Variants in TENM2 observed in about 807,000 individuals in gnomAD.
TENM2 encodes the protein teneurin-2.
A neutral mutation model predicts 245.2 loss-of-function variants in TENM2; 52 were observed. The ratio of observed to expected loss-of-function variants is 0.21; its 90% CI spans 0.17 to 0.27. The LOEUF (loss-of-function observed/expected upper bound fraction) is 0.27, where lower values mean the gene tolerates loss of function less well. TENM2 is among the 10% of genes least tolerant of loss of function. The pLI, the probability that TENM2 is intolerant of heterozygous loss-of-function variation, is 1.00. For missense variants in TENM2, 3,046 were observed against 3,666.8 expected (o/e 0.83, Z 4.37); for synonymous variants, 1,363 against 1,438.9 (o/e 0.95, Z 1.19).
rs184230272 is a variant in TENM2 at position 167,979,960 on chromosome 5, C to T, written c.948-12984C>T. Among the ~76,000 whole-genome samples, 6 of 152,298 alleles carry T rather than the reference C, an allele frequency of 3.9e-5. No individual in the cohort carries two copies. In the East Asian group the frequency reaches 9.6e-4, roughly 24 times the overall value. On this transcript the variant is annotated intron_variant, in intron 4 of 28. Transcript: ENST00000518659. Reference sequence around the variant, plus strand: ...TCTGAGAGCAGAGAGAAACTTTTTACATTCATCACCTCCTACAGGCAGTAT... The same window carrying T: ...TCTGAGAGCAGAGAGAAACTTTTTATATTCATCACCTCCTACAGGCAGTAT...
At chr5:168,198,349 C>T (rs1390835671) in intron 15 of TENM2, among the ~76,000 whole-genome samples, 1 of 152,036 alleles carries the variant, frequency 6.6e-6, no homozygotes, top group African/African-American at 2.4e-5. Flanking sequence ...GCACCCACCA[C>T]CATGCCTGGC....
At chr5:168,243,939 T>G (rs1581746100) in intron 25 of TENM2, among the ~76,000 whole-genome samples, 2 of 144,484 alleles carry the variant, frequency 1.4e-5, no homozygotes, top group South Asian at 2.3e-4. Flanking sequence ...TTTCTTTGGT[T>G]TTTTTTTTTT....
chr5:167,918,073 C>T (rs1457640775), intron 3 of TENM2, among the ~76,000 whole-genome samples: 1 of 152,152 alleles, frequency 6.6e-6, no homozygotes, highest in Non-Finnish European at 1.5e-5. Context: ...AAAGTTAGTG[C>T]TCCGTGAAGG....
chr5:167,799,015 C>T (rs1224732319), intron 2 of TENM2, among the ~76,000 whole-genome samples: 4 of 152,162 alleles, frequency 2.6e-5, no homozygotes, highest in South Asian at 4.1e-4. Context: ...GAATAGTCAG[C>T]GCCCAGGTGG....
At chr5:167,468,266 G>A (rs1766799548) in intron 2 of TENM2, among the ~76,000 whole-genome samples, 1 of 152,172 alleles carries the variant, frequency 6.6e-6, no homozygotes, top group Admixed American at 6.5e-5. Context: ...TTTTCTGGAA[G>A]GATGGCCCAT....
chr5:167,780,899 A>AT, intron 2 of TENM2, among the ~76,000 whole-genome samples: 1 of 152,316 alleles, frequency 6.6e-6, no homozygotes, highest in East Asian at 1.9e-4. Flanking sequence ...TGGCAATAGT[A>AT]TTTTTGTAAG....
intron 5 of TENM2, among the ~76,000 whole-genome samples, chr5:168,034,028 AAT>A (rs61701570): frequency 0.046 from 5,982 of 130,140 alleles, 406 homozygotes; most frequent in African/African-American, 0.17. Flanking sequence ...CTCCGTCTCA[AAT>A]ATATATATAT....
chr5:167,056,161 A>G, the TENM2 span, among the ~76,000 whole-genome samples: 1 of 152,084 alleles, frequency 6.6e-6, no homozygotes, highest in African/African-American at 2.4e-5. Flanking sequence ...ATTTATTGAT[A>G]TGACTAAGTG....
chr5:167,158,846 CCCTTCCTTCCTTCCTTCCTTCCTTCCTT>C, the TENM2 span, among the ~76,000 whole-genome samples: 3 of 86,026 alleles, frequency 3.5e-5, no homozygotes, highest in African/African-American at 9.8e-5. Context: ...TCCATAGCAG[CCCTTCCTTCCTTCCTTCCTTCCTTCCTT>C]CCTTCCTTCC....
chr5:168,114,789 C>T (rs1005628437), intron 9 of TENM2, among the ~76,000 whole-genome samples: 2 of 152,178 alleles, frequency 1.3e-5, no homozygotes, highest in Non-Finnish European at 2.9e-5. Context: ...AGTGAGCACG[C>T]GGCAAACCCT....
At chr5:167,484,748 C>CATGGGAA (rs1428130238) in intron 2 of TENM2, among the ~76,000 whole-genome samples, 2 of 152,166 alleles carry the variant, frequency 1.3e-5, no homozygotes, top group Non-Finnish European at 2.9e-5. Context: ...AGATCTAATA[C>CATGGGAA]ATGGGAAATT....
In TENM2 at chr5:167,995,450, C is replaced by CA. The variant is rs1296610317; in HGVS notation, c.1186+2274dup. 3.3e-5 allele frequency among the ~76,000 whole-genome samples: 5 copies of CA among 152,188 alleles called. No individual in the cohort carries two copies. In the East Asian group the frequency reaches 9.6e-4, roughly 29 times the overall value. ...AGATTATGCTTTGACCCTAGAGTAT[C>CA]AAAAAATAGTTTATGACACAAAATG... On this transcript the variant is annotated intron_variant, in intron 5 of 28. Coordinates refer to ENST00000518659, the Ensembl canonical transcript of TENM2.
chr5:167,441,337 C>T (rs1582055663), intron 2 of TENM2, among the ~76,000 whole-genome samples: 1 of 152,164 alleles, frequency 6.6e-6, no homozygotes, highest in East Asian at 1.9e-4. Context: ...CTGGCTGTTA[C>T]CCATCTCTAC....
intron 2 of TENM2, among the ~76,000 whole-genome samples, chr5:167,776,641 CTATATATATA>C (rs10522774): frequency 2.6e-5 from 3 of 116,190 alleles, no homozygotes; most frequent in African/African-American, 6.5e-5. Flanking sequence ...ATATATGTAT[CTATATATATA>C]TATATATATA....
chr5:167,601,522 A>G (rs1195787405), intron 2 of TENM2, among the ~76,000 whole-genome samples: 3 of 152,196 alleles, frequency 2.0e-5, no homozygotes, highest in Non-Finnish European at 4.4e-5. Flanking sequence ...TTAATTTAAC[A>G]TTTACTCCGT....
the TENM2 span, among the ~76,000 whole-genome samples, chr5:167,079,246 C>G: frequency 7.0e-6 from 1 of 142,360 alleles, no homozygotes; most frequent in Non-Finnish European, 1.5e-5. Flanking sequence ...TCTCTCTCTA[C>G]GTATATACAT....
chr5:167,458,397 G>C (rs577177687), intron 2 of TENM2, among the ~76,000 whole-genome samples: 1 of 136,148 alleles, frequency 7.3e-6, no homozygotes. Context: ...TGAGGCAAGA[G>C]AATCCCTTGA....
chr5:167,692,038 T>G (rs544011631), intron 2 of TENM2, among the ~76,000 whole-genome samples: 54 of 152,148 alleles, frequency 3.5e-4, no homozygotes, highest in Non-Finnish European at 6.0e-4. Flanking sequence ...TCTGCCTTCC[T>G]GAATAATTGC....
At chr5:167,716,964 T>C (rs1233754082) in intron 2 of TENM2, among the ~76,000 whole-genome samples, 6 of 149,490 alleles carry the variant, frequency 4.0e-5, no homozygotes, top group South Asian at 2.1e-4. Flanking sequence ...CTATTTTATT[T>C]TATTTTATTT....
Sources: allele counts gnomAD v4.1 joint callset (sites outside exome capture counted in the v4.1 genomes callset), GRCh38; gene constraint gnomAD v4.1.1; transcripts MANE v1.5; gene names NCBI Gene and HGNC (gene_info 2026-07-23, HGNC 2026-07-21).